Variants in UGT8 observed in about 807,000 individuals in gnomAD.
UGT8 encodes the protein 2-hydroxyacylsphingosine 1-beta-galactosyltransferase.
UGT8 carries 12 observed loss-of-function variants against 40.5 expected under a neutral mutation model. The observed-to-expected ratio is 0.30, with a 90% confidence interval of 0.19 to 0.48. The LOEUF (loss-of-function observed/expected upper bound fraction) is 0.48. Ranked by LOEUF, UGT8 falls within the 20% of genes least tolerant of loss-of-function variation. The pLI is 0.99. For synonymous variants in UGT8, 224 were observed against 240.4 expected, an observed-to-expected ratio of 0.93 and a Z score of 0.63; for missense variants, 513 against 648.7, an observed-to-expected ratio of 0.79 and a Z score of 2.27.
In UGT8 at chr4:114,677,822, T is replaced by A. The variant is rs1199343249; in HGVS notation, c.*1534T>A. 6.6e-6 allele frequency: 1 copy of A among 152,178 alleles called. No individual in the cohort carries two copies. The highest frequency in any genetic ancestry group is 1.5e-5 in the Non-Finnish European group (1 of 68,034). The allele number at this position is 152,178 out of a possible 1,614,324, so 9.4% of individuals were successfully genotyped here. On this transcript the variant is annotated 3_prime_UTR_variant, in exon 6 of 6. Coordinates refer to ENST00000310836, the MANE Select transcript of UGT8 (RefSeq NM_001128174.3). ...ACTAACATGGAAGAGTTGTGAAAAT[T>A]CTAGAGTGCTGTAAATCCTTGGCAT...
chr4:114,642,017 A>G (rs1392295658), intron 2 of UGT8, among the ~76,000 whole-genome samples: 1 of 152,204 alleles, frequency 6.6e-6, no homozygotes, highest in African/African-American at 2.4e-5. Flanking sequence ...ATAAATATCA[A>G]TAAAAAGAGG....
At chr4:114,600,655 T>A (rs770343985) in intron 1 of UGT8, among the ~76,000 whole-genome samples, 1 of 152,312 alleles carries the variant, frequency 6.6e-6, no homozygotes, top group African/African-American at 2.4e-5. Context: ...TAACCAATAT[T>A]TTAATAGTGT....
At position 114,677,326 on chromosome 4, in the gene UGT8, T is replaced by C. The variant is rs947300961; in HGVS notation, c.*1038T>C. On this transcript the variant is annotated 3_prime_UTR_variant, in exon 6 of 6. Coordinates refer to ENST00000310836, the MANE Select transcript of UGT8 (RefSeq NM_001128174.3). ...CTTTTATTGTCTGGGCCATACAATC[T>C]ATATTACATAGGTGCCAACATTTAA... The C allele has an allele frequency of 1.3e-5, 2 of 152,262 alleles. No homozygotes were observed. The highest frequency in any genetic ancestry group is 2.9e-5 in the Non-Finnish European group (2 of 68,052). 9.4% of individuals were successfully genotyped at this position (152,262 alleles called of 1,614,324 possible).
intron 2 of UGT8, among the ~76,000 whole-genome samples, chr4:114,644,962 T>C (rs1248707950): frequency 6.6e-6 from 1 of 152,182 alleles, no homozygotes; most frequent in Non-Finnish European, 1.5e-5. Context: ...TTAAAGCTAC[T>C]TTCAGCTTCT....
intron 2 of UGT8, among the ~76,000 whole-genome samples, chr4:114,662,790 G>T (rs1297853203): frequency 6.7e-6 from 1 of 149,140 alleles, no homozygotes. Context: ...TTAATTAAGG[G>T]GTGCAGTGAT....
rs1363501471 is a variant in UGT8 at position 114,676,124 on chromosome 4, T to C, written c.1462T>C (p.Leu488=). The C allele has an allele frequency of 6.2e-7, 1 of 1,614,244 alleles. No individual in the cohort carries two copies. The highest frequency in any genetic ancestry group is 2.2e-5 in the East Asian group (1 of 44,888). The change falls in exon 6 of 6, where the codon TTA becomes CTA. Residue 488 remains leucine, a synonymous_variant. Transcript: ENST00000310836. Reference sequence around the variant, plus strand: ...TGTGCTTTTGCTTGGTGCTGCCTTGTTATACTTTCTCTTGTCTTGGGTGAC... The same window carrying C: ...TGTGCTTTTGCTTGGTGCTGCCTTGCTATACTTTCTCTTGTCTTGGGTGAC... ...AFVLLLGAAL[L]YFLLSWVTKF...
chr4:114,621,849 C>T (rs1344852454), intron 1 of UGT8, among the ~76,000 whole-genome samples: 2 of 152,100 alleles, frequency 1.3e-5, no homozygotes, highest in Non-Finnish European at 2.9e-5. Context: ...TATACTTAAA[C>T]ATAATTGATC....
intron 2 of UGT8, 44 bp from the exon 3 acceptor site, chr4:114,663,948 AACT>A (rs1734702774): frequency 1.3e-6 from 2 of 1,599,376 alleles, no homozygotes; most frequent in African/African-American, 2.7e-5. Flanking sequence ...ACCAATTATA[AACT>A]ACATTGGTCT....
rs374823627 is a variant in UGT8, at chr4:114,624,701, C to T, written c.822+999C>T. Among the ~76,000 whole-genome samples, 8 of 152,172 alleles carry T rather than the reference C, an allele frequency of 5.3e-5. No homozygotes were observed. The South Asian group carries it at 6.2e-4, about 12-fold the overall frequency. On this transcript the variant is annotated intron_variant, in intron 2 of 5. Coordinates refer to ENST00000310836, the MANE Select transcript of UGT8 (RefSeq NM_001128174.3). ...GGACAATCACATGGCTGAATTTTGT[C>T]GTGAGGCAATAAGGTGATTAGAAAT...
rs1295307152 is a variant in UGT8 at position 114,653,808 on chromosome 4, G to A, written c.823-10187G>A. On this transcript the variant is annotated intron_variant, in intron 2 of 5. Coordinates refer to ENST00000310836, the MANE Select transcript of UGT8 (RefSeq NM_001128174.3). Reference sequence around the variant, plus strand: ...TCTTCAGGGAGGAAGTAGGGCAGAGGCAGTATTAATGTGCTGTTAATGAAG... The same window carrying A: ...TCTTCAGGGAGGAAGTAGGGCAGAGACAGTATTAATGTGCTGTTAATGAAG... Among the ~76,000 whole-genome samples, 5 of 151,980 alleles carry A rather than the reference G, an allele frequency of 3.3e-5. No individual in the cohort carries two copies. In the East Asian group the frequency reaches 7.7e-4, roughly 23 times the overall value.
At chr4:114,613,327 T>C (rs751226869) in intron 1 of UGT8, among the ~76,000 whole-genome samples, 20 of 152,180 alleles carry the variant, frequency 1.3e-4, no homozygotes, top group Non-Finnish European at 2.5e-4. Flanking sequence ...TCTAAATTGA[T>C]CTTGATAATG....
chr4:114,674,827 A>T (rs1377846573), intron 5 of UGT8, among the ~76,000 whole-genome samples: 1 of 152,208 alleles, frequency 6.6e-6, no homozygotes, highest in Non-Finnish European at 1.5e-5. Flanking sequence ...CTTGAGGTGG[A>T]AATTATTTCT....
intron 4 of UGT8, chr4:114,667,755 T>TA (rs1284615533): frequency 3.1e-5 from 12 of 381,830 alleles, no homozygotes; most frequent in Admixed American, 6.5e-5. Context: ...CACTCTGGTA[T>TA]TGTTTGGCAT....
chr4:114,640,035 T>TG (rs890724691), intron 2 of UGT8, among the ~76,000 whole-genome samples: 4 of 146,394 alleles, frequency 2.7e-5, no homozygotes, highest in Admixed American at 6.7e-5. Context: ...GTTTGTTTGT[T>TG]TTTTTTTTTT....
chr4:114,601,458 GGAGAGT>G (rs1310118882), intron 1 of UGT8, among the ~76,000 whole-genome samples: 35 of 151,968 alleles, frequency 2.3e-4, no homozygotes, highest in Middle Eastern at 6.8e-3. Context: ...AGATATCCTT[GGAGAGT>G]GAGAACTTTG....
chr4:114,668,568 T>A (rs1266901712), intron 5 of UGT8, among the ~76,000 whole-genome samples: 1 of 152,232 alleles, frequency 6.6e-6, no homozygotes, highest in Non-Finnish European at 1.5e-5. Flanking sequence ...TCTTTGGATA[T>A]CTACATTGTG....
intron 5 of UGT8, among the ~76,000 whole-genome samples, chr4:114,674,798 C>T (rs774658434): frequency 6.6e-6 from 1 of 152,170 alleles, no homozygotes; most frequent in Non-Finnish European, 1.5e-5. Context: ...CTATATCCTC[C>T]ATGATAGATT....
Position 114,677,708 on chromosome 4 carries a change from G to T in UGT8, c.*1420G>T, listed in dbSNP as rs1037643348. The stretch of plus-strand genomic sequence containing the variant: ...CTTAGCACTTGCACTACCCTTGTTG[G>T]TTGAGTGTATGCTTTATTTGTTTCT... On this transcript the variant is annotated 3_prime_UTR_variant, in exon 6 of 6. Coordinates refer to ENST00000310836, the MANE Select transcript of UGT8 (RefSeq NM_001128174.3). The T allele has an allele frequency of 6.6e-6, 1 of 152,164 alleles. No individual in the cohort carries two copies. The highest frequency in any genetic ancestry group is 2.4e-5 in the African/African-American group (1 of 41,452). The allele number at this position is 152,164 out of a possible 1,614,324, so 9.4% of individuals were successfully genotyped here. A position where few individuals can be genotyped will look rare whatever the true frequency, so the allele number is the denominator to read the frequency against.
chr4:114,667,986 G>A (rs1734995483), intron 4 of UGT8, 99 bp from the exon 5 acceptor site: 1 of 1,494,688 alleles, frequency 6.7e-7, no homozygotes, highest in East Asian at 2.3e-5. Context: ...TATCTGAAAT[G>A]CATGTTTACT....
Sources: gnomAD v4.1 joint callset for allele counts (sites outside exome capture counted in the v4.1 genomes callset) on GRCh38, gnomAD v4.1.1 for gene constraint, MANE v1.5 for transcripts, NCBI Gene and HGNC (gene_info 2026-07-23, HGNC 2026-07-21) for gene names.